Variants in RAP1GAP2 observed in about 807,000 individuals in gnomAD.
The protein encoded by RAP1GAP2 is RAP1 GTPase activating protein 2, also known as rap1 GTPase-activating protein 2.
In RAP1GAP2, 27 loss-of-function variants were observed where a neutral mutation model predicts 95.0. The ratio of observed to expected loss-of-function variants is 0.28; its 90% CI spans 0.21 to 0.39. The LOEUF (loss-of-function observed/expected upper bound fraction) is 0.39, where lower values mean the gene tolerates loss of function less well. Ranked by LOEUF, RAP1GAP2 falls within the 10% of genes least tolerant of loss-of-function variation. RAP1GAP2 has a pLI of 1.00. For synonymous variants in RAP1GAP2, 373 were observed against 380.9 expected (o/e 0.98, Z 0.24); for missense variants, 771 against 970.0 (o/e 0.79, Z 2.72).
chr17:2,900,544 C>T (rs1045866939), intron 2 of RAP1GAP2, among the ~76,000 whole-genome samples: 10 of 152,034 alleles, frequency 6.6e-5, no homozygotes, highest in East Asian at 3.9e-4. Context: ...CAGGTTCAAG[C>T]GATTCTCCTG....
chr17:2,982,847 A>G (rs927463556), intron 10 of RAP1GAP2, among the ~76,000 whole-genome samples: 3 of 151,978 alleles, frequency 2.0e-5, no homozygotes, highest in African/African-American at 7.3e-5. Flanking sequence ...CTGTATTTTC[A>G]TGTTTTCTGT....
chr17:2,794,664 G>A (rs1469381343), upstream of RAP1GAP2, among the ~76,000 whole-genome samples: 2 of 152,180 alleles, frequency 1.3e-5, no homozygotes, highest in Non-Finnish European at 2.9e-5. Flanking sequence ...CCCACTCAGG[G>A]CTTGAGGCCC....
intron 2 of RAP1GAP2, among the ~76,000 whole-genome samples, chr17:2,872,704 T>G (rs1429732338): frequency 2.0e-5 from 3 of 152,092 alleles, no homozygotes; most frequent in Admixed American, 1.3e-4. Context: ...ATTTTTTTTT[T>G]TACAAAGACA....
chr17:3,012,473 A>T (rs1247965751), intron 17 of RAP1GAP2, among the ~76,000 whole-genome samples: 1 of 151,620 alleles, frequency 6.6e-6, no homozygotes, highest in Non-Finnish European at 1.5e-5. Context: ...CAAAAATCAG[A>T]TGGGCGTGGT....
At chr17:2,899,625 C>CTCA (rs2041958925) in intron 2 of RAP1GAP2, among the ~76,000 whole-genome samples, 1 of 152,180 alleles carries the variant, frequency 6.6e-6, no homozygotes, top group Admixed American at 6.5e-5. Context: ...ATTCTCCTGC[C>CTCA]TCAGCCTCCT....
At position 2,796,552 on chromosome 17, in the gene RAP1GAP2, T is replaced by A; in HGVS notation, c.25T>A (p.Ser9Thr). 3 of 1,564,178 alleles carry A rather than the reference T, an allele frequency of 1.9e-6. No homozygotes were observed. The highest frequency in any genetic ancestry group is 2.6e-6 in the Non-Finnish European group (3 of 1,154,284). The change falls in exon 1 of 25, where the codon TCC (serine) becomes ACC (threonine). Residue 9 changes from serine to threonine, a missense_variant. Ser to Thr is a moderately conservative substitution (Grantham distance 58). Coordinates refer to ENST00000254695, the MANE Select transcript of RAP1GAP2 (RefSeq NM_015085.5). The surrounding 1 kb of genome is among the most constrained non-coding windows in gnomAD (Gnocchi z 4.7). ...CATGTTTGGCCGGAAGCGCAGTGTCTCCTTTGGGGGCTTCGGATGGTGGGT... is the reference window on the plus strand; with the variant it reads ...CATGTTTGGCCGGAAGCGCAGTGTCACCTTTGGGGGCTTCGGATGGTGGGT... MFGRKRSVSFGGFGWIDKT... is the reference protein window; with the variant it reads MFGRKRSVTFGGFGWIDKT...
In RAP1GAP2 at chr17:3,033,766, C is replaced by T. The variant is rs1373465120; in HGVS notation, c.*405C>T. On this transcript the variant is annotated 3_prime_UTR_variant, in exon 25 of 25. Coordinates refer to ENST00000254695, the MANE Select transcript of RAP1GAP2 (RefSeq NM_015085.5). This position sits in a 1 kb window ranked among gnomAD's most constrained non-coding sequence, Gnocchi z 4.9. ...GACAGAGTAGGGGGTGGGAGCAGAG[C>T]CTCGGTGAGGGTCTTGGCCACAGGG... 2 of 152,256 alleles carry T rather than the reference C, an allele frequency of 1.3e-5. No individual in the cohort carries two copies. Among genetic ancestry groups the T allele is most frequent in the Non-Finnish European group, 2.9e-5 (2 of 68,130 alleles). 9.4% of individuals were successfully genotyped at this position (152,256 alleles called of 1,614,324 possible). A position where few individuals can be genotyped will look rare whatever the true frequency, so the allele number is the denominator to read the frequency against.
intron 3 of RAP1GAP2, among the ~76,000 whole-genome samples, chr17:2,939,818 G>T (rs764984350): frequency 6.6e-6 from 1 of 152,246 alleles, no homozygotes; most frequent in Non-Finnish European, 1.5e-5. Context: ...AAGACGTGTG[G>T]CACCTCCATC....
intron 16 of RAP1GAP2, among the ~76,000 whole-genome samples, chr17:3,007,398 G>C (rs894663): frequency 1 from 152,120 of 152,276 alleles, 75,984 homozygotes; most frequent in Non-Finnish European, 1. Flanking sequence ...TTACAGGAAT[G>C]CAGGAGAGAT....
At chr17:2,929,553 G>T (rs546097408) in intron 3 of RAP1GAP2, among the ~76,000 whole-genome samples, 27 of 152,256 alleles carry the variant, frequency 1.8e-4, no homozygotes, top group Admixed American at 4.6e-4. Flanking sequence ...GTCATTCCTC[G>T]TAGGGATCGT....
intron 8 of RAP1GAP2, among the ~76,000 whole-genome samples, chr17:2,979,926 T>C (rs1412349201): frequency 6.6e-6 from 1 of 151,850 alleles, no homozygotes; most frequent in African/African-American, 2.4e-5. Flanking sequence ...ACCTTCCTCT[T>C]GGACTGTTTC....
chr17:2,972,980 T>A (rs770134725), intron 8 of RAP1GAP2, among the ~76,000 whole-genome samples: 1 of 152,220 alleles, frequency 6.6e-6, no homozygotes, highest in Non-Finnish European at 1.5e-5. Flanking sequence ...ACTCATCATC[T>A]TCTTCTTAGG....
intron 3 of RAP1GAP2, among the ~76,000 whole-genome samples, chr17:2,913,391 C>T (rs994929235): frequency 3.9e-5 from 6 of 151,974 alleles, no homozygotes; most frequent in African/African-American, 9.7e-5. Flanking sequence ...TGGGTTCAAG[C>T]GATTCTCCTC....
In RAP1GAP2 at chr17:2,962,678, G is replaced by T; in HGVS notation, c.210G>T (p.Lys70Asn). The T allele has an allele frequency of 1.3e-6, 2 of 1,593,138 alleles. No homozygotes were observed. Among genetic ancestry groups the T allele is most frequent in the Non-Finnish European group, 1.7e-6 (2 of 1,171,188 alleles). The part of the protein sequence containing the change: ...FEMLEKMQGI[K>N]LEEQKPGPQK... ...TTTCCTTGTTTCTATAGGGGATCAA[G>T]CTTGAAGAGCAGAAGCCGGGACCCC... Residue 70 changes from lysine to asparagine, a missense_variant, in exon 5 of 25, where the codon AAG becomes AAT. Coordinates refer to ENST00000254695, the MANE Select transcript of RAP1GAP2 (RefSeq NM_015085.5).
chr17:2,895,247 CG>C (rs1390042776), intron 2 of RAP1GAP2, among the ~76,000 whole-genome samples: 1 of 152,164 alleles, frequency 6.6e-6, no homozygotes, highest in Non-Finnish European at 1.5e-5. Flanking sequence ...CAGGTGCCCT[CG>C]GGGGCCCGCG....
intron 17 of RAP1GAP2, among the ~76,000 whole-genome samples, chr17:3,016,784 C>T (rs1427955776): frequency 6.6e-6 from 1 of 152,208 alleles, no homozygotes; most frequent in Non-Finnish European, 1.5e-5. Context: ...GTGTAGACAC[C>T]AACATCTCTT....
Position 2,964,004 on chromosome 17 carries a change from C to A in RAP1GAP2, c.428C>A (p.Thr143Lys). The change falls in exon 7 of 25, where the codon ACA becomes AAA. Residue 143 changes from threonine (T) to lysine (K), a missense_variant. Transcript: ENST00000254695. ...EEEEDNLSPN[T>K]FGYKLECKGE... ...GAAGAGGACAACCTCAGCCCCAACA[C>A]ATTTGGCTACAAGCTCGAGTGCAAG... 1 of 1,612,636 alleles carries A rather than the reference C, an allele frequency of 6.2e-7. No individual in the cohort carries two copies. Among genetic ancestry groups the A allele is most frequent in the Non-Finnish European group, 8.5e-7 (1 of 1,179,672 alleles).
chr17:2,983,838 G>C (rs1048079046), intron 10 of RAP1GAP2, among the ~76,000 whole-genome samples: 1 of 152,146 alleles, frequency 6.6e-6, no homozygotes, highest in Non-Finnish European at 1.5e-5. Context: ...TATCCCAACA[G>C]CTCCCAGATC....
chr17:2,953,756 A>C (rs2044083908), intron 3 of RAP1GAP2, among the ~76,000 whole-genome samples: 1 of 152,182 alleles, frequency 6.6e-6, no homozygotes, highest in Non-Finnish European at 1.5e-5. Flanking sequence ...CTGAGGCAGG[A>C]GAATCGCTTG....
Sources: allele counts gnomAD v4.1 joint callset (sites outside exome capture counted in the v4.1 genomes callset), GRCh38; gene constraint gnomAD v4.1.1; non-coding constraint Gnocchi (gnomAD v3.1); transcripts MANE v1.5; gene names NCBI Gene and HGNC (gene_info 2026-07-23, HGNC 2026-07-21).